PACS2: variants seen among roughly 807,000 people sequenced by gnomAD.
The protein encoded by PACS2 is PACS1-like protein.
PACS2 carries 36 observed loss-of-function variants against 113.0 expected under a neutral mutation model. That is an observed-to-expected ratio of 0.32 (90% CI 0.24 to 0.42). The LOEUF (loss-of-function observed/expected upper bound fraction) is 0.42. Ranked by LOEUF, PACS2 falls within the 10% of genes least tolerant of loss-of-function variation. The probability of loss-of-function intolerance (pLI) is 1.00; values close to 1 mark genes in which losing one functional copy is unlikely to be tolerated. For synonymous variants in PACS2, 589 were observed against 536.1 expected (o/e 1.10, Z -1.36); for missense variants, 1,015 against 1,239.5 (o/e 0.82, Z 2.72).
chr14:105,353,489 A>G (rs1268701442), intron 3 of PACS2, among the ~76,000 whole-genome samples: 1 of 151,922 alleles, frequency 6.6e-6, no homozygotes, highest in Non-Finnish European at 1.5e-5. Flanking sequence ...CATCATTGCC[A>G]TCAGTGTCCT....
chr14:105,355,283 A>G lies in PACS2; in HGVS notation c.423+106A>G, dbSNP rs587648417. ...CTCTCCCGGGTCCAGATGTCCAGGG[A>G]TCAGGTGAAAATGATGAGAGGAGCC... On this transcript the variant is annotated intron_variant, in intron 4 of 24. Transcript: ENST00000447393. This position sits in a 1 kb window ranked among gnomAD's most constrained non-coding sequence, Gnocchi z 4.1. 1.5e-6 allele frequency: 2 copies of G among 1,347,672 alleles called. No homozygotes were observed. Among genetic ancestry groups the G allele is most frequent in the East Asian group, 4.8e-5 (2 of 41,298 alleles). The allele number at this position is 1,347,672 out of a possible 1,614,324, so 83.5% of individuals were successfully genotyped here.
At chr14:105,383,917 C>T (rs1469068749) in intron 16 of PACS2, 2 of 273,990 alleles carry the variant, frequency 7.3e-6, no homozygotes, top group Non-Finnish European at 1.4e-5. Context: ...TCGTCCAGGT[C>T]CTGTGTCGTC....
At chr14:105,312,272 G>A (rs1014444706), upstream of PACS2, among the ~76,000 whole-genome samples, 10 of 152,210 alleles carry the variant, frequency 6.6e-5, no homozygotes, top group African/African-American at 1.7e-4. Flanking sequence ...TTGGGGCTTC[G>A]TCTTTTTAAT....
rs587715938 is a variant in PACS2, at chr14:105,317,965, C to T, written c.119+2928C>T. On this transcript the variant is annotated intron_variant, in intron 1 of 24. Transcript: ENST00000447393. This position sits in a 1 kb window ranked among gnomAD's most constrained non-coding sequence, Gnocchi z 4.2. ...ACACACGGTGCTCCTAGGTGGTCCA[C>T]GGGGTATGCGTCAGTGCCTGTCTGT... Among the ~76,000 whole-genome samples the T allele has an allele frequency of 6.6e-6, 1 of 152,276 alleles. No individual in the cohort carries two copies. Among genetic ancestry groups the T allele is most frequent in the South Asian group, 2.1e-4 (1 of 4,820 alleles).
chr14:105,387,016 G>A (rs1479164437), intron 19 of PACS2, among the ~76,000 whole-genome samples: 1 of 152,172 alleles, frequency 6.6e-6, no homozygotes, highest in Non-Finnish European at 1.5e-5. Flanking sequence ...GCCTTAGGGG[G>A]CCTTACACCC....
Position 105,330,255 on chromosome 14 carries a change from C to T in PACS2, c.119+15218C>T, listed in dbSNP as rs76700579. The stretch of plus-strand genomic sequence containing the variant: ...ACGGGGACAGGGAGCCTCCGAGAAG[C>T]CTGGGGTCCGTGTGTGGGACGGAAT... On this transcript the variant is annotated intron_variant, in intron 1 of 24. Coordinates refer to ENST00000447393, the MANE Select transcript of PACS2 (RefSeq NM_001100913.3). This position sits in a 1 kb window ranked among gnomAD's most constrained non-coding sequence, Gnocchi z 6.9. Among the ~76,000 whole-genome samples the T allele has an allele frequency of 2.5e-4, 32 of 129,864 alleles. No homozygotes were observed. In the East Asian group the frequency reaches 7.3e-3, roughly 30 times the overall value. 85.2% of individuals were successfully genotyped at this position (129,864 alleles called of 152,430 possible). A position where few individuals can be genotyped will look rare whatever the true frequency, so the allele number is the denominator to read the frequency against.
At chr14:105,309,855 G>A (rs908891240), upstream of PACS2, among the ~76,000 whole-genome samples, 2 of 144,082 alleles carry the variant, frequency 1.4e-5, no homozygotes, top group Admixed American at 7.3e-5. The surrounding 1 kb of genome is among the most constrained non-coding windows in gnomAD (Gnocchi z 4.0). Context: ...GCACAATCTC[G>A]GCTCACTGCA....
At position 105,314,951 on chromosome 14, in the gene PACS2, C is replaced by G. The variant is rs587698346; in HGVS notation, c.33C>G (p.Gly11=). The part of the protein sequence containing the change: MAERGRLGLP[G]APGALNTPVP... The stretch of plus-strand genomic sequence containing the variant: ...AGCGAGGCCGCCTCGGCCTCCCCGG[C>G]GCGCCCGGCGCGCTCAACACGCCCG... Residue 11 remains glycine (G), a synonymous_variant, in exon 1 of 25, where the codon GGC becomes GGG. Coordinates refer to ENST00000447393, the MANE Select transcript of PACS2 (RefSeq NM_001100913.3). The G allele has an allele frequency of 1.5e-5, 18 of 1,178,490 alleles. No individual in the cohort carries two copies. The highest frequency in any genetic ancestry group is 1.8e-5 in the Non-Finnish European group (17 of 934,170). 73.0% of individuals were successfully genotyped at this position (1,178,490 alleles called of 1,614,324 possible).
Position 105,315,000 on chromosome 14 carries a change from TG to T in PACS2, c.85del (p.Glu29ArgfsTer16). ...CGTGCCCATGAACCTGTTCGCCACC[TG>T]GGAGGTGGACGGCTCCAGCCCCAGC... ...TPVPMNLFAT[W>X]EVDGSSPSCV... On this transcript the variant is annotated frameshift_variant, in exon 1 of 25. Coordinates refer to ENST00000447393, the MANE Select transcript of PACS2 (RefSeq NM_001100913.3). LOFTEE classifies it high-confidence loss of function. 1.6e-6 allele frequency: 2 copies of T among 1,252,666 alleles called. No individual in the cohort carries two copies. The highest frequency in any genetic ancestry group is 2.0e-6 in the Non-Finnish European group (2 of 978,208). 77.6% of individuals were successfully genotyped at this position (1,252,666 alleles called of 1,614,324 possible). A position where few individuals can be genotyped will look rare whatever the true frequency, so the allele number is the denominator to read the frequency against.
At position 105,397,231 on chromosome 14, in the gene PACS2, C is replaced by T. The variant is rs1446344451; in HGVS notation, c.*2559C>T. On this transcript the variant is annotated 3_prime_UTR_variant, in exon 25 of 25. Transcript: ENST00000447393. ...TTTCCCACTGGTTACACAGGATGGT[C>T]GCATTTTCCCTGCCTACCTCACAGA... The T allele has an allele frequency of 3.3e-5, 5 of 152,314 alleles. No individual in the cohort carries two copies. The highest frequency in any genetic ancestry group is 7.2e-5 in the African/African-American group (3 of 41,456). The allele number at this position is 152,314 out of a possible 1,614,324, so 9.4% of individuals were successfully genotyped here.
intron 1 of PACS2, among the ~76,000 whole-genome samples, chr14:105,316,072 G>A (rs1002520145): frequency 1.3e-5 from 2 of 152,216 alleles, no homozygotes; most frequent in Non-Finnish European, 2.9e-5. Context: ...CTGCATCTCT[G>A]AGCGTGGTGT....
chr14:105,308,525 C>T (rs1039800443), intron 1 of PACS2, among the ~76,000 whole-genome samples: 17 of 147,962 alleles, frequency 1.1e-4, no homozygotes, highest in East Asian at 4.2e-4. Flanking sequence ...CTCTGTCGTC[C>T]GGGCTGGAGT....
intron 1 of PACS2, among the ~76,000 whole-genome samples, chr14:105,301,999 C>G (rs865998896): frequency 6.6e-6 from 1 of 151,978 alleles, no homozygotes; most frequent in African/African-American, 2.4e-5. Context: ...ATTAGCCAGG[C>G]TTGGTGGTGG....
Position 105,368,068 on chromosome 14 carries a change from C to T in PACS2, c.587-6C>T, listed in dbSNP as rs1219511869. The T allele has an allele frequency of 1.2e-5, 19 of 1,599,602 alleles. No homozygotes were observed. Among genetic ancestry groups the T allele is most frequent in the Non-Finnish European group, 1.6e-5 (19 of 1,167,342 alleles). On this transcript the variant is annotated splice_region_variant and splice_polypyrimidine_tract_variant and intron_variant, in intron 5 of 24. Coordinates refer to ENST00000447393, the MANE Select transcript of PACS2 (RefSeq NM_001100913.3). ...GCACCCTCCCTTCTGTCTGTTCATT[C>T]CGCAGATAACTACTCCGAGGAGGAG...
rs1248111748 is a variant in PACS2, at chr14:105,379,838, G to A, written c.1050+9G>A. 5 of 1,610,810 alleles carry A rather than the reference G, an allele frequency of 3.1e-6. No individual in the cohort carries two copies. In the African/African-American group the frequency reaches 5.3e-5, roughly 17 times the overall value. On this transcript the variant is annotated intron_variant, in intron 10 of 24. Coordinates refer to ENST00000447393, the MANE Select transcript of PACS2 (RefSeq NM_001100913.3). Reference sequence around the variant, plus strand: ...AGGAGCCCCCAAGCCCGGTGAGTGGGGCCACACTGATCTCCCAGAGCAGAC... The same window carrying A: ...AGGAGCCCCCAAGCCCGGTGAGTGGAGCCACACTGATCTCCCAGAGCAGAC...
At chr14:105,314,479 G>C (rs1242703616), upstream of PACS2, 2 of 149,452 alleles carry the variant, frequency 1.3e-5, no homozygotes, top group Non-Finnish European at 1.5e-5. Flanking sequence ...GGGGCGCCCC[G>C]GGCGGGGTCT....
intron 19 of PACS2, chr14:105,389,108 G>A (rs11623352): frequency 0.016 from 2,460 of 152,396 alleles, 26 homozygotes; most frequent in Non-Finnish European, 0.024. Flanking sequence ...GAGCCTGTGC[G>A]AGCTGGACCA....
At chr14:105,321,027 C>T (rs2058865781) in intron 1 of PACS2, among the ~76,000 whole-genome samples, 1 of 152,164 alleles carries the variant, frequency 6.6e-6, no homozygotes, top group African/African-American at 2.4e-5. Context: ...GTGGCACGCA[C>T]CTGTAATTCC....
Position 105,392,848 on chromosome 14 carries a change from G to A in PACS2, c.2482+3G>A, listed in dbSNP as rs895819680. ...CACCAAGGAGAAGAACAAGAAGGGT[G>A]AGGTGGGGCAGGCTATAAGGCCACA... is the stretch of plus-strand genomic sequence containing the variant. On this transcript the variant is annotated splice_donor_region_variant and intron_variant, in intron 23 of 24. Transcript: ENST00000447393. 2.5e-6 allele frequency: 4 copies of A among 1,594,802 alleles called. No individual in the cohort carries two copies. The highest frequency in any genetic ancestry group is 3.4e-6 in the Non-Finnish European group (4 of 1,174,022).
Sources: gnomAD v4.1 joint callset for allele counts (sites outside exome capture counted in the v4.1 genomes callset) on GRCh38, gnomAD v4.1.1 for gene constraint, Gnocchi (gnomAD v3.1) non-coding constraint, MANE v1.5 for transcripts, NCBI Gene and HGNC (gene_info 2026-07-23, HGNC 2026-07-21) for gene names.